CAMSAP1: variants seen among roughly 807,000 people sequenced by gnomAD.
CAMSAP1 encodes the protein calmodulin-regulated spectrin-associated protein 1.
In CAMSAP1, 58 loss-of-function variants were observed where a neutral mutation model predicts 143.5. The ratio of observed to expected loss-of-function variants is 0.40; its 90% CI spans 0.33 to 0.50. The LOEUF (loss-of-function observed/expected upper bound fraction) is 0.50, where lower values mean the gene tolerates loss of function less well. Among genes scored for constraint, CAMSAP1 ranks in the 20% least tolerant of loss-of-function variants. CAMSAP1 has a pLI of 0.45. For synonymous variants in CAMSAP1, 945 were observed against 859.3 expected, an observed-to-expected ratio of 1.10 and a Z score of -1.74; for missense variants, 1,969 against 2,115.7, an observed-to-expected ratio of 0.93 and a Z score of 1.36.
chr9:135,880,534 C>G (rs1478078200), intron 3 of CAMSAP1, among the ~76,000 whole-genome samples: 2 of 152,216 alleles, frequency 1.3e-5, no homozygotes, highest in Non-Finnish European at 2.9e-5. Context: ...GAAAACAGCT[C>G]AAGAGCAGGG....
At chr9:135,878,119 G>C (rs866379709) in intron 3 of CAMSAP1, among the ~76,000 whole-genome samples, 1 of 152,176 alleles carries the variant, frequency 6.6e-6, no homozygotes, top group Non-Finnish European at 1.5e-5. Flanking sequence ...AAATGGTCCC[G>C]GAAATGCACA....
In CAMSAP1 at chr9:135,811,690, C is replaced by T; in HGVS notation, c.4507-79G>A. On this transcript the variant is annotated intron_variant, in intron 16 of 16. Coordinates refer to ENST00000389532, the MANE Select transcript of CAMSAP1 (RefSeq NM_015447.4). This position sits in a 1 kb window ranked among gnomAD's most constrained non-coding sequence, Gnocchi z 4.9. ...GCCACGAGTTGGGCTCCCACAGCGG[C>T]TCAACCAGCACCGCTCCGTGGGAAG... The T allele has an allele frequency of 2.9e-6, 4 of 1,401,608 alleles. No homozygotes were observed. In the Admixed American group the frequency reaches 8.2e-5, roughly 29 times the overall value. 86.8% of individuals were successfully genotyped at this position (1,401,608 alleles called of 1,614,324 possible). A position where few individuals can be genotyped will look rare whatever the true frequency, so the allele number is the denominator to read the frequency against.
intron 10 of CAMSAP1, 129 bp from the exon 11 acceptor site, chr9:135,823,389 C>T: frequency 9.6e-7 from 1 of 1,037,892 alleles, no homozygotes; most frequent in African/African-American, 1.6e-5. Context: ...TTTAAACTCA[C>T]TCTTCCACAG....
chr9:135,822,155 T>G lies in CAMSAP1; in HGVS notation c.2506A>C (p.Ser836Arg). The G allele has an allele frequency of 6.2e-7, 1 of 1,613,620 alleles. No individual in the cohort carries two copies. Among genetic ancestry groups the G allele is most frequent in the Non-Finnish European group, 8.5e-7 (1 of 1,179,908 alleles). ...NSCETKSSTS[S>R]SQKTTPDASE... The stretch of plus-strand genomic sequence containing the variant: ...GCATCTGGCGTGGTCTTCTGGGAGC[T>G]GCTGGTGCTGGACTTGGTCTCACAG... The change falls in exon 11 of 17, where the codon AGC becomes CGC. Residue 836 changes from serine to arginine, a missense_variant. Physicochemically the swap from Ser to Arg is moderately radical, Grantham distance 110. Around this residue, in one of 4 missense-constraint regions of CAMSAP1, gnomAD observed 1,390 missense variants for 1,420.8 expected, o/e 0.98. Transcript: ENST00000389532. The surrounding 1 kb of genome is among the most constrained non-coding windows in gnomAD (Gnocchi z 6.1).
intron 5 of CAMSAP1, 122 bp downstream of exon 5, chr9:135,862,345 T>A: frequency 1.7e-6 from 2 of 1,187,638 alleles, no homozygotes; most frequent in South Asian, 3.5e-5. Flanking sequence ...AACATCCCAA[T>A]TTATATTAAG....
At chr9:135,896,817 T>C (rs149723495) in intron 1 of CAMSAP1, among the ~76,000 whole-genome samples, 1 of 152,148 alleles carries the variant, frequency 6.6e-6, no homozygotes, top group Non-Finnish European at 1.5e-5. Flanking sequence ...AATGTGGCAG[T>C]GGTGAGAGGT....
At position 135,907,167 on chromosome 9, in the gene CAMSAP1, CA is replaced by C; in HGVS notation, c.-9del. The C allele has an allele frequency of 9.2e-7, 1 of 1,090,592 alleles. No homozygotes were observed. The highest frequency in any genetic ancestry group is 5.0e-5 in the East Asian group (1 of 20,012). The allele number at this position is 1,090,592 out of a possible 1,614,324, so 67.6% of individuals were successfully genotyped here. The stretch of plus-strand genomic sequence containing the variant: ...GCCGCTCGCGTCCACCATCTGCAGA[CA>C]AAGGGCTGAGGCGGCGGCCCGGCCG... On this transcript the variant is annotated 5_prime_UTR_variant, in exon 1 of 17. Transcript: ENST00000389532.
chr9:135,850,536 GAAAAC>G, intron 5 of CAMSAP1, 75 bp from the exon 6 acceptor site: 1 of 1,236,092 alleles, frequency 8.1e-7, no homozygotes, highest in Non-Finnish European at 1.1e-6. Context: ...ATTCTAAAAT[GAAAAC>G]CATTTTACAT....
At chr9:135,843,644 G>A (rs1179001527) in intron 7 of CAMSAP1, among the ~76,000 whole-genome samples, 2 of 152,000 alleles carry the variant, frequency 1.3e-5, no homozygotes, top group African/African-American at 4.8e-5. Flanking sequence ...GGCCGAGACA[G>A]GTGGATCACG....
At chr9:135,871,934 C>A (rs1588491890) in intron 3 of CAMSAP1, among the ~76,000 whole-genome samples, 2 of 152,192 alleles carry the variant, frequency 1.3e-5, no homozygotes, top group East Asian at 3.9e-4. Context: ...GAAACCCCAT[C>A]TCTACTAAAA....
At chr9:135,872,722 G>A (rs771775469) in intron 3 of CAMSAP1, among the ~76,000 whole-genome samples, 2 of 152,238 alleles carry the variant, frequency 1.3e-5, no homozygotes, top group African/African-American at 4.8e-5. Flanking sequence ...CACATTAAAT[G>A]AAGTAGACTT....
chr9:135,819,960 T>C (rs1264370088), intron 11 of CAMSAP1, among the ~76,000 whole-genome samples: 2 of 152,216 alleles, frequency 1.3e-5, no homozygotes, highest in Non-Finnish European at 2.9e-5. Flanking sequence ...CCTGATGATT[T>C]GGTATCCTCT....
At chr9:135,846,277 G>A (rs1043623617) in intron 7 of CAMSAP1, among the ~76,000 whole-genome samples, 1 of 152,094 alleles carries the variant, frequency 6.6e-6, no homozygotes, top group Non-Finnish European at 1.5e-5. Flanking sequence ...ACAAGCAATG[G>A]GGAAAGGATT....
intron 1 of CAMSAP1, 99 bp downstream of exon 1, chr9:135,906,901 G>A (rs1320586012): frequency 2.7e-6 from 2 of 729,146 alleles, no homozygotes; most frequent in Non-Finnish European, 1.7e-6. Context: ...GCGGCACAAA[G>A]GCGCGGCGCG....
chr9:135,848,725 C>T (rs1836666855), intron 7 of CAMSAP1, among the ~76,000 whole-genome samples: 1 of 152,236 alleles, frequency 6.6e-6, no homozygotes. Context: ...CACTGCACCA[C>T]TCTGACTGCA....
chr9:135,835,203 C>T (rs1026180013), intron 7 of CAMSAP1, among the ~76,000 whole-genome samples: 3 of 152,098 alleles, frequency 2.0e-5, no homozygotes, highest in African/African-American at 7.2e-5. Flanking sequence ...ACCATAACTG[C>T]CAAGGGACAG....
intron 5 of CAMSAP1, among the ~76,000 whole-genome samples, chr9:135,858,205 G>GT (rs1837046948): frequency 6.7e-6 from 1 of 149,400 alleles, no homozygotes; most frequent in Non-Finnish European, 1.5e-5. Flanking sequence ...TCAGAGTCCA[G>GT]ATATATCTTA....
rs564154044 is a variant in CAMSAP1, at chr9:135,890,489, A to G, written c.161-7411T>C. The stretch of plus-strand genomic sequence containing the variant: ...TGCCAGGAGAGGTGGTAAAGACGGC[A>G]GGCTGTGTTTCTGGCACCGCACCTT... On this transcript the variant is annotated intron_variant, in intron 1 of 16. Coordinates refer to ENST00000389532, the MANE Select transcript of CAMSAP1 (RefSeq NM_015447.4). 2.0e-5 allele frequency among the ~76,000 whole-genome samples: 3 copies of G among 152,270 alleles called. No homozygotes were observed. The East Asian group carries it at 5.8e-4, about 30-fold the overall frequency.
intron 3 of CAMSAP1, among the ~76,000 whole-genome samples, chr9:135,874,919 C>A (rs1837688771): frequency 6.6e-6 from 1 of 152,016 alleles, no homozygotes; most frequent in African/African-American, 2.4e-5. Flanking sequence ...ATAATAGAAT[C>A]CAAAACACAA....
Sources: allele counts gnomAD v4.1 joint callset (sites outside exome capture counted in the v4.1 genomes callset), GRCh38; gene constraint gnomAD v4.1.1; regional missense constraint gnomAD v4.1.1; non-coding constraint Gnocchi (gnomAD v3.1); transcripts MANE v1.5; gene names NCBI Gene and HGNC (gene_info 2026-07-23, HGNC 2026-07-21).